The following ZC3H12B variants were observed in gnomAD, a reference collection of about 807,000 sequenced individuals.
ZC3H12B encodes the protein probable ribonuclease ZC3H12B.
Under a neutral mutation model 43.9 loss-of-function variants are expected in ZC3H12B, and 7 were observed. The observed-to-expected ratio is 0.16, with a 90% CI of 0.09 to 0.30. The LOEUF (loss-of-function observed/expected upper bound fraction) is 0.30, where lower values mean the gene tolerates loss of function less well. Among genes scored for constraint, ZC3H12B ranks in the 10% least tolerant of loss-of-function variants. ZC3H12B has a pLI of 1.00. For synonymous variants in ZC3H12B, 222 were observed against 241.7 expected (o/e 0.92, Z 0.76); for missense variants, 475 against 670.2 (o/e 0.71, Z 3.22).
the ZC3H12B span, among the ~76,000 whole-genome samples, chrX:65,052,104 G>C: frequency 1.8e-5 from 2 of 111,335 alleles, no homozygotes; most frequent in Non-Finnish European, 3.8e-5. Context: ...GCAATGGCAG[G>C]TAATTGTTTA....
chrX:65,243,894 G>T, the ZC3H12B span, among the ~76,000 whole-genome samples: 1 of 111,913 alleles, frequency 8.9e-6, no homozygotes, highest in Non-Finnish European at 1.9e-5. Context: ...ACTACTTATT[G>T]TTGCTCATAT....
chrX:65,078,443 A>G, the ZC3H12B span, among the ~76,000 whole-genome samples: 1 of 112,085 alleles, frequency 8.9e-6, no homozygotes, highest in Non-Finnish European at 1.9e-5. Context: ...GTAGCTAGTA[A>G]GGTAGGAGGA....
chrX:65,374,066 CAGTATATATAACTATATAT>C (rs2066306348), intron 2 of ZC3H12B, among the ~76,000 whole-genome samples: 1 of 53,756 alleles, frequency 1.9e-5, no homozygotes, highest in Non-Finnish European at 2.8e-5. Flanking sequence ...TATATATATA[CAGTATATATAACTATATAT>C]AGTATATATA....
chrX:65,263,401 A>G, the ZC3H12B span, among the ~76,000 whole-genome samples: 3 of 110,812 alleles, frequency 2.7e-5, no homozygotes, highest in Non-Finnish European at 5.7e-5. Context: ...GACTTAATGG[A>G]TGAGTGTGCA....
At chrX:65,348,921 G>A in the ZC3H12B span, among the ~76,000 whole-genome samples, 15 of 110,942 alleles carry the variant, frequency 1.4e-4, no homozygotes, top group Admixed American at 1.4e-3. Context: ...CATAATAGTG[G>A]GAGACTTTAA....
the ZC3H12B span, among the ~76,000 whole-genome samples, chrX:65,198,849 G>A: frequency 4.3e-4 from 48 of 111,139 alleles, 1 homozygote; most frequent in South Asian, 1.5e-3. Context: ...TTCTTTTTGA[G>A]ACAGTTTCAC....
the ZC3H12B span, among the ~76,000 whole-genome samples, chrX:65,179,583 G>C: frequency 1.8e-5 from 2 of 109,905 alleles, no homozygotes; most frequent in East Asian, 2.9e-4. Flanking sequence ...TAACAAAATA[G>C]ATAGACCACC....
At chrX:65,355,546 G>A in the ZC3H12B span, among the ~76,000 whole-genome samples, 1 of 111,351 alleles carries the variant, frequency 9.0e-6, no homozygotes, top group Non-Finnish European at 1.9e-5. Context: ...CAACTAAACA[G>A]ATTAAGATTC....
the ZC3H12B span, among the ~76,000 whole-genome samples, chrX:65,265,218 C>T: frequency 8.9e-6 from 1 of 111,892 alleles, no homozygotes; most frequent in Non-Finnish European, 1.9e-5. Context: ...TTAGCTTGTA[C>T]AAGAATAAAA....
At chrX:65,097,154 A>G in the ZC3H12B span, among the ~76,000 whole-genome samples, 1 of 111,931 alleles carries the variant, frequency 8.9e-6, no homozygotes, top group African/African-American at 3.2e-5. Context: ...CATTAATCCT[A>G]TCCTTTCTTT....
At chrX:65,121,597 A>G in the ZC3H12B span, among the ~76,000 whole-genome samples, 1 of 110,999 alleles carries the variant, frequency 9.0e-6, no homozygotes, top group Admixed American at 9.6e-5. Context: ...TTTTCAAAAA[A>G]CCAGCTCCTG....
the ZC3H12B span, among the ~76,000 whole-genome samples, chrX:65,313,133 T>C: frequency 5.4e-5 from 6 of 111,735 alleles, no homozygotes; most frequent in African/African-American, 2.0e-4. Context: ...TCGCTCATCT[T>C]GGCGTCCCAA....
At chrX:65,098,904 G>A in the ZC3H12B span, among the ~76,000 whole-genome samples, 1 of 110,793 alleles carries the variant, frequency 9.0e-6, no homozygotes, top group Non-Finnish European at 1.9e-5. Context: ...TCCGAAAAGG[G>A]GGCTGAAGCC....
the ZC3H12B span, among the ~76,000 whole-genome samples, chrX:65,263,070 C>G: frequency 1.8e-5 from 2 of 111,055 alleles, no homozygotes; most frequent in African/African-American, 3.3e-5. Context: ...TTTCACTAAG[C>G]TTTTTTTCTC....
the ZC3H12B span, among the ~76,000 whole-genome samples, chrX:65,147,402 G>A: frequency 4.5e-5 from 5 of 111,627 alleles, no homozygotes; most frequent in Non-Finnish European, 7.5e-5. Flanking sequence ...GATTGGGTGT[G>A]TGTGGTTGGG....
At chrX:65,456,446 CCT>C (rs2067613076) in intron 3 of ZC3H12B, among the ~76,000 whole-genome samples, 2 of 48,941 alleles carry the variant, frequency 4.1e-5, no homozygotes, top group East Asian at 1.4e-3. Context: ...TCTCCCTCTC[CCT>C]GTCTCCACAG....
the ZC3H12B span, among the ~76,000 whole-genome samples, chrX:65,079,934 A>T: frequency 7.2e-5 from 8 of 111,536 alleles, no homozygotes; most frequent in African/African-American, 2.6e-4. Flanking sequence ...CAGACAGAGA[A>T]TTCAAAATAG....
At chrX:65,139,508 C>T in the ZC3H12B span, among the ~76,000 whole-genome samples, 2 of 111,735 alleles carry the variant, frequency 1.8e-5, no homozygotes, top group African/African-American at 3.2e-5. Context: ...ATTTTGAAGT[C>T]AGGTAGTGTG....
chrX:65,501,323 C>T lies in ZC3H12B; in HGVS notation c.1091-466C>T, dbSNP rs1292808220. Among the ~76,000 whole-genome samples the T allele has an allele frequency of 3.0e-5, 3 of 101,507 alleles. No homozygotes were observed. In the East Asian group the frequency reaches 9.2e-4, roughly 31 times the overall value. 88.1% of individuals were successfully genotyped at this position (101,507 alleles called of 115,157 possible). A position where few individuals can be genotyped will look rare whatever the true frequency, so the allele number is the denominator to read the frequency against. ...CTGGAGATCAGTGGCATGATCACGGCTCACTGCAGCCTTGACCTTCCAGGC... is the reference window on the plus strand; with the variant it reads ...CTGGAGATCAGTGGCATGATCACGGTTCACTGCAGCCTTGACCTTCCAGGC... On this transcript the variant is annotated intron_variant, in intron 4 of 4. Coordinates refer to ENST00000338957, the Ensembl canonical transcript of ZC3H12B.
Sources: gnomAD v4.1 joint callset for allele counts (sites outside exome capture counted in the v4.1 genomes callset) on GRCh38, gnomAD v4.1.1 for gene constraint, MANE v1.5 for transcripts, NCBI Gene and HGNC (gene_info 2026-07-23, HGNC 2026-07-21) for gene names.